Variants in SLC14A2 observed in about 807,000 individuals in gnomAD.
SLC14A2 encodes the protein solute carrier family 14 member 2.
SLC14A2 carries 91 observed loss-of-function variants against 104.6 expected under a neutral mutation model. The observed-to-expected ratio is 0.87, with a 90% CI of 0.73 to 1.04. The LOEUF is 1.04. Among genes scored for constraint, SLC14A2 ranks in the 50% least tolerant of loss-of-function variants. The pLI, the probability that SLC14A2 is intolerant of heterozygous loss-of-function variation, is 0.00. For synonymous variants in SLC14A2, 476 were observed against 466.4 expected (o/e 1.02, Z -0.27); for missense variants, 1,189 against 1,156.0 (o/e 1.03, Z -0.41).
intron 2 of SLC14A2, among the ~76,000 whole-genome samples, chr18:45,581,774 C>T (rs565521705): frequency 5.9e-5 from 9 of 152,296 alleles, no homozygotes; most frequent in African/African-American, 2.2e-4. Flanking sequence ...TCCCGAATGA[C>T]CCTAGAGGAC....
intron 1 of SLC14A2, among the ~76,000 whole-genome samples, chr18:45,263,419 A>G (rs112472018): frequency 9.2e-4 from 140 of 152,330 alleles, no homozygotes; most frequent in African/African-American, 3.3e-3. Context: ...GAGTTGCTCC[A>G]CTGCAAAGTT....
intron 10 of SLC14A2, among the ~76,000 whole-genome samples, chr18:45,657,325 C>CAA (rs376881497): frequency 0.043 from 6,060 of 141,862 alleles, 387 homozygotes; most frequent in African/African-American, 0.14. Flanking sequence ...TACAAAAATA[C>CAA]AAAAAAAAAA....
intron 1 of SLC14A2, among the ~76,000 whole-genome samples, chr18:45,289,856 A>T (rs938608131): frequency 3.9e-5 from 6 of 152,212 alleles, no homozygotes; most frequent in Non-Finnish European, 8.8e-5. Context: ...TCAAAGTCAG[A>T]TGCAAGACCT....
intron 1 of SLC14A2, among the ~76,000 whole-genome samples, chr18:45,448,048 A>G (rs2086798133): frequency 6.6e-6 from 1 of 152,254 alleles, no homozygotes; most frequent in South Asian, 2.1e-4. Flanking sequence ...AAGTGTGTTA[A>G]TAGATTATCC....
At chr18:45,586,170 G>T (rs1266153490) in intron 2 of SLC14A2, among the ~76,000 whole-genome samples, 1 of 152,208 alleles carries the variant, frequency 6.6e-6, no homozygotes, top group African/African-American at 2.4e-5. Flanking sequence ...AGTGAGGTGG[G>T]TTAGACGAGA....
intron 1 of SLC14A2, among the ~76,000 whole-genome samples, chr18:45,424,313 G>C (rs933274805): frequency 2.6e-5 from 4 of 152,214 alleles, no homozygotes; most frequent in Admixed American, 6.5e-5. Flanking sequence ...GTATAAAGGG[G>C]TTGGTTCTGT....
At chr18:45,548,030 A>T (rs2043999724) in intron 2 of SLC14A2, among the ~76,000 whole-genome samples, 1 of 152,202 alleles carries the variant, frequency 6.6e-6, no homozygotes, top group Non-Finnish European at 1.5e-5. Context: ...TACTCAAAAC[A>T]TTCCAAGGGC....
rs570372283 is a variant in SLC14A2 at position 45,490,353 on chromosome 18, A to G, written c.-35+7031A>G. Among the ~76,000 whole-genome samples, 6 of 152,330 alleles carry G rather than the reference A, an allele frequency of 3.9e-5. No homozygotes were observed. The South Asian group carries it at 1.0e-3, about 26-fold the overall frequency. On this transcript the variant is annotated intron_variant, in intron 2 of 20. Coordinates refer to the SLC14A2 transcript ENST00000586448. ...TGGGGTGATTACAACTAAGTGGGGA[A>G]GGAATAGACTGTTTGATACATAGTG...
chr18:45,170,444 G>A, the SLC14A2 span, among the ~76,000 whole-genome samples: 1 of 152,196 alleles, frequency 6.6e-6, no homozygotes, highest in Non-Finnish European at 1.5e-5. Context: ...GAGGAGAAAT[G>A]TAGGTTGGTG....
chr18:45,565,353 C>T (rs1424816891), intron 2 of SLC14A2, among the ~76,000 whole-genome samples: 3 of 151,970 alleles, frequency 2.0e-5, no homozygotes, highest in East Asian at 1.9e-4. Flanking sequence ...CTTGATCTCC[C>T]GACCTCATGA....
chr18:45,591,997 C>A (rs1478877283), intron 2 of SLC14A2, among the ~76,000 whole-genome samples: 1 of 152,140 alleles, frequency 6.6e-6, no homozygotes, highest in Non-Finnish European at 1.5e-5. Flanking sequence ...CATGCAATAG[C>A]CAGATGATAC....
intron 2 of SLC14A2, chr18:45,485,069 G>A (rs1313140738): frequency 6.6e-6 from 1 of 152,164 alleles, no homozygotes; most frequent in African/African-American, 2.4e-5. Flanking sequence ...TAGTGCTTTA[G>A]CATTTATTTA....
Position 45,667,130 on chromosome 18 carries a change from T to C in SLC14A2, c.1717+36T>C, listed in dbSNP as rs553487484. 59 of 1,575,336 alleles carry C rather than the reference T, an allele frequency of 3.7e-5. No homozygotes were observed. In the Middle Eastern group the frequency reaches 3.8e-3, roughly 101 times the overall value. On this transcript the variant is annotated intron_variant, in intron 13 of 19. Transcript: ENST00000255226. Reference sequence around the variant, plus strand: ...ATGAGAACAACACTGACCCTGACCCTAAAAACTCACCTCCACCCATCCCCA... The same window carrying C: ...ATGAGAACAACACTGACCCTGACCCCAAAAACTCACCTCCACCCATCCCCA...
intron 2 of SLC14A2, among the ~76,000 whole-genome samples, chr18:45,573,522 C>T (rs2044378725): frequency 6.6e-6 from 1 of 152,184 alleles, no homozygotes; most frequent in African/African-American, 2.4e-5. Flanking sequence ...ATCATTCTTA[C>T]TAAGACTTCA....
chr18:45,282,016 C>A (rs529457721), intron 1 of SLC14A2, among the ~76,000 whole-genome samples: 33 of 152,224 alleles, frequency 2.2e-4, no homozygotes, highest in African/African-American at 7.9e-4. Flanking sequence ...ACCTTGACTT[C>A]TTTTTTCCTG....
chr18:45,381,722 C>T (rs759319710), intron 1 of SLC14A2, among the ~76,000 whole-genome samples: 4 of 152,124 alleles, frequency 2.6e-5, no homozygotes, highest in Admixed American at 6.5e-5. Context: ...CCTCCTTCAA[C>T]TCCGGGGGTT....
chr18:45,626,210 T>G (rs1317402620), intron 3 of SLC14A2, among the ~76,000 whole-genome samples: 1 of 152,202 alleles, frequency 6.6e-6, no homozygotes, highest in Non-Finnish European at 1.5e-5. Flanking sequence ...GAATGATCAT[T>G]CCTTCACTCG....
chr18:45,563,937 C>T (rs2044235596), intron 2 of SLC14A2, among the ~76,000 whole-genome samples: 1 of 152,190 alleles, frequency 6.6e-6, no homozygotes, highest in Non-Finnish European at 1.5e-5. Flanking sequence ...GATTTCAGGG[C>T]ATTTTTTCTT....
intron 3 of SLC14A2, among the ~76,000 whole-genome samples, chr18:45,626,185 T>C (rs1233590870): frequency 1.3e-5 from 2 of 152,220 alleles, no homozygotes; most frequent in Admixed American, 6.5e-5. Context: ...ATATAAGCCA[T>C]TTCCCAAGCT....
Sources: allele counts gnomAD v4.1 joint callset (sites outside exome capture counted in the v4.1 genomes callset), GRCh38; gene constraint gnomAD v4.1.1; transcripts MANE v1.5; gene names NCBI Gene and HGNC (gene_info 2026-07-23, HGNC 2026-07-21).